The following NMNAT2 variants were observed in gnomAD, a reference collection of about 807,000 sequenced individuals.
NMNAT2 encodes nicotinamide/nicotinic acid mononucleotide adenylyltransferase 2.
A neutral mutation model predicts 41.6 loss-of-function variants in NMNAT2; 11 were observed. The observed-to-expected ratio is 0.26, with a 90% CI of 0.17 to 0.44. The LOEUF is 0.44. Among genes scored for constraint, NMNAT2 ranks in the 20% least tolerant of loss-of-function variants. NMNAT2 has a pLI of 1.00. For missense variants in NMNAT2, 288 were observed against 407.7 expected (o/e 0.71, Z 2.53); for synonymous variants, 148 against 151.2 (o/e 0.98, Z 0.16).
chr1:183,264,239 A>T lies in NMNAT2; in HGVS notation c.652-2936T>A, dbSNP rs1660745265. ...GCATTCTAATTTAAACCATGAAAAT[A>T]ATGGCTCAGAATAGCAGTCCTCATG... On this transcript the variant is annotated intron_variant, in intron 8 of 10. Transcript: ENST00000287713. Among the ~76,000 whole-genome samples, 3 of 152,118 alleles carry T rather than the reference A, an allele frequency of 2.0e-5. No homozygotes were observed. The South Asian group carries it at 6.2e-4, about 32-fold the overall frequency.
intron 1 of NMNAT2, among the ~76,000 whole-genome samples, chr1:183,354,256 G>A (rs898665931): frequency 2.6e-5 from 4 of 151,956 alleles, no homozygotes; most frequent in Non-Finnish European, 2.9e-5. Flanking sequence ...GATGAGAGGC[G>A]AAAGAGATGA....
chr1:183,362,352 A>G (rs1460700884), intron 1 of NMNAT2, among the ~76,000 whole-genome samples: 3 of 152,178 alleles, frequency 2.0e-5, no homozygotes, highest in Middle Eastern at 3.2e-3. Context: ...CATCACCACT[A>G]TCGAATTCTA....
chr1:183,345,669 C>G (rs1662910565), intron 1 of NMNAT2, among the ~76,000 whole-genome samples: 1 of 148,722 alleles, frequency 6.7e-6, no homozygotes, highest in Non-Finnish European at 1.5e-5. Flanking sequence ...TTCATAACTA[C>G]AAGAAATAAT....
intron 1 of NMNAT2, among the ~76,000 whole-genome samples, chr1:183,308,594 A>G (rs572381050): frequency 1.3e-5 from 2 of 152,378 alleles, no homozygotes; most frequent in South Asian, 4.1e-4. Context: ...ATTTGAAGGA[A>G]TATTATACAG....
At chr1:183,409,536 C>T (rs958537985) in intron 1 of NMNAT2, among the ~76,000 whole-genome samples, 3 of 152,090 alleles carry the variant, frequency 2.0e-5, no homozygotes, top group Non-Finnish European at 2.9e-5. Context: ...AGGCTGGTCT[C>T]GAACCCTTGG....
chr1:183,261,355 AC>A, intron 8 of NMNAT2, 52 bp from the exon 9 acceptor site: 1 of 1,435,196 alleles, frequency 7.0e-7, no homozygotes, highest in Non-Finnish European at 9.7e-7. Flanking sequence ...CCAAACTCCT[AC>A]CAAGCAACTA....
chr1:183,401,856 A>C (rs1348741300), intron 1 of NMNAT2, among the ~76,000 whole-genome samples: 1 of 148,384 alleles, frequency 6.7e-6, no homozygotes, highest in African/African-American at 2.5e-5. Context: ...GTAGGTGGGA[A>C]CTGAACAATG....
intron 1 of NMNAT2, among the ~76,000 whole-genome samples, chr1:183,333,988 T>G (rs1206883458): frequency 2.0e-5 from 3 of 152,180 alleles, no homozygotes; most frequent in African/African-American, 7.2e-5. Flanking sequence ...TGTTCCCAGT[T>G]AAGTAAGAAA....
At chr1:183,372,510 C>CTG (rs886081132) in intron 1 of NMNAT2, among the ~76,000 whole-genome samples, 4 of 152,162 alleles carry the variant, frequency 2.6e-5, no homozygotes, top group Non-Finnish European at 5.9e-5. Context: ...TAACTATTAC[C>CTG]TGTGTTAGCC....
At chr1:183,253,313 A>G (rs1367384150) in intron 10 of NMNAT2, among the ~76,000 whole-genome samples, 1 of 147,928 alleles carries the variant, frequency 6.8e-6, no homozygotes, top group African/African-American at 2.5e-5. Context: ...ATTATATTAT[A>G]TTATTTATAT....
chr1:183,410,580 G>T (rs143465567), intron 1 of NMNAT2, among the ~76,000 whole-genome samples: 1 of 151,872 alleles, frequency 6.6e-6, no homozygotes, highest in Non-Finnish European at 1.5e-5. Flanking sequence ...GAACTGCTTG[G>T]CACTGCCCCC....
At chr1:183,339,058 G>C (rs567971056) in intron 1 of NMNAT2, among the ~76,000 whole-genome samples, 2 of 152,100 alleles carry the variant, frequency 1.3e-5, no homozygotes, top group African/African-American at 4.8e-5. Flanking sequence ...CCCATCATGG[G>C]TAGGCACAAC....
chr1:183,371,293 T>A lies in NMNAT2; in HGVS notation c.85+46890A>T, dbSNP rs533230590. On this transcript the variant is annotated intron_variant, in intron 1 of 10. Transcript: ENST00000287713. Reference sequence around the variant, plus strand: ...CAAAACTGTGGACACTGTAAAAAGATCAGTGGTTGCCAGAAGTTGAGGGGA... The same window carrying A: ...CAAAACTGTGGACACTGTAAAAAGAACAGTGGTTGCCAGAAGTTGAGGGGA... Among the ~76,000 whole-genome samples, 4 of 152,260 alleles carry A rather than the reference T, an allele frequency of 2.6e-5. No individual in the cohort carries two copies. The East Asian group carries it at 7.7e-4, about 29-fold the overall frequency.
intron 1 of NMNAT2, among the ~76,000 whole-genome samples, chr1:183,390,455 C>A (rs1196927441): frequency 6.6e-6 from 1 of 152,188 alleles, no homozygotes; most frequent in Admixed American, 6.5e-5. Flanking sequence ...TATCACCACA[C>A]ATTATGATTT....
intron 1 of NMNAT2, among the ~76,000 whole-genome samples, chr1:183,338,907 T>C (rs1249482387): frequency 6.6e-6 from 1 of 152,076 alleles, no homozygotes; most frequent in Non-Finnish European, 1.5e-5. Flanking sequence ...CCACTCTGTC[T>C]CGGGCTATGA....
At position 183,249,042 on chromosome 1, in the gene NMNAT2, T is replaced by C. The variant is rs1284107089; in HGVS notation, c.*3599A>G. The C allele has an allele frequency of 6.6e-6, 1 of 152,104 alleles. No homozygotes were observed. Among genetic ancestry groups the C allele is most frequent in the African/African-American group, 2.4e-5 (1 of 41,412 alleles). The allele number at this position is 152,104 out of a possible 1,614,324, so 9.4% of individuals were successfully genotyped here. ...TATTGAGTCTCACTTTCTACTTAAT[T>C]TGAACAGCAAGTTCTTTAATTCTTT... On this transcript the variant is annotated 3_prime_UTR_variant, in exon 11 of 11. Transcript: ENST00000287713.
At chr1:183,306,054 C>T (rs993568379) in intron 1 of NMNAT2, among the ~76,000 whole-genome samples, 43 of 152,134 alleles carry the variant, frequency 2.8e-4, no homozygotes, top group Admixed American at 2.0e-3. Flanking sequence ...TTTATCTTCC[C>T]TCTCTACTTC....
chr1:183,273,226 A>G (rs1044143428), intron 8 of NMNAT2, among the ~76,000 whole-genome samples: 1 of 152,152 alleles, frequency 6.6e-6, no homozygotes, highest in African/African-American at 2.4e-5. Flanking sequence ...CTGAGAGCCT[A>G]CTCTGGCATG....
At chr1:183,315,348 T>C (rs925496965) in intron 1 of NMNAT2, among the ~76,000 whole-genome samples, 26 of 152,246 alleles carry the variant, frequency 1.7e-4, no homozygotes, top group Non-Finnish European at 2.9e-5. Context: ...TGACAAAGTA[T>C]TTCCACATTG....
Sources: gnomAD v4.1 joint callset for allele counts (sites outside exome capture counted in the v4.1 genomes callset) on GRCh38, gnomAD v4.1.1 for gene constraint, MANE v1.5 for transcripts, NCBI Gene and HGNC (gene_info 2026-07-23, HGNC 2026-07-21) for gene names.